Variants in ARHGAP17 observed in about 807,000 individuals in gnomAD.
ARHGAP17 encodes the protein rho GTPase-activating protein 17.
In ARHGAP17, 57 loss-of-function variants were observed where a neutral mutation model predicts 99.5. That is an observed-to-expected ratio of 0.57 (90% CI 0.46 to 0.71). ARHGAP17 has a LOEUF of 0.71. ARHGAP17 is among the 30% of genes least tolerant of loss of function. The pLI, the probability that ARHGAP17 is intolerant of heterozygous loss-of-function variation, is 0.00. For missense variants in ARHGAP17, 1,000 were observed against 1,122.4 expected (o/e 0.89, Z 1.56); for synonymous variants, 417 against 429.6 (o/e 0.97, Z 0.36).
At chr16:24,950,840 A>C (rs867589092) in intron 12 of ARHGAP17, among the ~76,000 whole-genome samples, 26 of 148,462 alleles carry the variant, frequency 1.8e-4, no homozygotes, top group African/African-American at 6.6e-4. Context: ...CCAACTCAAA[A>C]AAAAAAAAAA....
chr16:24,941,767 T>C, intron 16 of ARHGAP17: 1 of 584,436 alleles, frequency 1.7e-6, no homozygotes, highest in East Asian at 3.2e-5. Flanking sequence ...TAAGCTGGAA[T>C]ACACGTGGAA....
chr16:25,014,715 T>G (rs2053736192), intron 1 of ARHGAP17, among the ~76,000 whole-genome samples: 1 of 152,198 alleles, frequency 6.6e-6, no homozygotes, highest in African/African-American at 2.4e-5. Context: ...TCTAGCCATT[T>G]CTTGCCGCCA....
rs563959583 is a variant in ARHGAP17 at position 24,928,141 on chromosome 16, G to A, written c.2515+2643C>T. On this transcript the variant is annotated intron_variant, in intron 19 of 19. Coordinates refer to ENST00000289968, the MANE Select transcript of ARHGAP17 (RefSeq NM_001006634.3). ...GGAAGTTATATATTTTTTCCTCCTT[G>A]AAAAACCCAATGGCTACATCCAAGA... 1.1e-4 allele frequency among the ~76,000 whole-genome samples: 17 copies of A among 152,280 alleles called. 1 individual carries two copies. The highest frequency in any genetic ancestry group is 3.8e-4 in the African/African-American group (16 of 41,566).
At chr16:24,938,764 G>A (rs542780828) in intron 17 of ARHGAP17, among the ~76,000 whole-genome samples, 11 of 141,828 alleles carry the variant, frequency 7.8e-5, no homozygotes, top group African/African-American at 2.6e-4. Context: ...AGAGCAAGAC[G>A]CAGTCTCAGA....
At chr16:24,949,378 A>G in intron 13 of ARHGAP17, 26 bp downstream of exon 13, 1 of 1,588,504 alleles carries the variant, frequency 6.3e-7, no homozygotes, top group Non-Finnish European at 8.6e-7. Flanking sequence ...TTCACTCCAG[A>G]GTCATTGTAG....
In ARHGAP17 at chr16:24,970,005, C is replaced by T. The variant is rs141743544; in HGVS notation, c.272+502G>A. 3.3e-5 allele frequency among the ~76,000 whole-genome samples: 5 copies of T among 151,730 alleles called. No individual in the cohort carries two copies. The East Asian group carries it at 9.7e-4, about 29-fold the overall frequency. ...TATACCTTCCCTCCTACAATAAAAA[C>T]TGCTTTGTTCTTACTTATATAAATT... On this transcript the variant is annotated intron_variant, in intron 4 of 19. Coordinates refer to ENST00000289968, the MANE Select transcript of ARHGAP17 (RefSeq NM_001006634.3).
At chr16:25,002,116 C>T (rs1437775076) in intron 1 of ARHGAP17, among the ~76,000 whole-genome samples, 1 of 151,662 alleles carries the variant, frequency 6.6e-6, no homozygotes, top group East Asian at 1.9e-4. Flanking sequence ...CATATACACA[C>T]ACCCAAAGCC....
chr16:24,920,573 A>C, intron 19 of ARHGAP17: 1 of 281,424 alleles, frequency 3.6e-6, no homozygotes, highest in Non-Finnish European at 7.0e-6. Context: ...TCTTCCCAAG[A>C]CCTCTAATGC....
chr16:24,965,654 G>A (rs1179425543), intron 6 of ARHGAP17, among the ~76,000 whole-genome samples: 2 of 152,198 alleles, frequency 1.3e-5, no homozygotes, highest in Non-Finnish European at 2.9e-5. Context: ...ATTGTGAAAG[G>A]AGCATAGATT....
At chr16:24,940,986 A>T (rs2051297322) in intron 16 of ARHGAP17, among the ~76,000 whole-genome samples, 1 of 152,204 alleles carries the variant, frequency 6.6e-6, no homozygotes, top group South Asian at 2.1e-4. Context: ...AATATATGAA[A>T]GCTAATTTTG....
chr16:24,943,367 C>T (rs2051371101), intron 15 of ARHGAP17, among the ~76,000 whole-genome samples: 1 of 152,190 alleles, frequency 6.6e-6, no homozygotes, highest in Non-Finnish European at 1.5e-5. Context: ...AAAACCAATC[C>T]CTGGTTCCCT....
At position 24,930,783 on chromosome 16, in the gene ARHGAP17, C is replaced by G; in HGVS notation, c.2515+1G>C. On this transcript the variant is annotated splice_donor_variant, in intron 19 of 19. Coordinates refer to ENST00000289968, the MANE Select transcript of ARHGAP17 (RefSeq NM_001006634.3). LOFTEE classifies it high-confidence loss of function. The stretch of plus-strand genomic sequence containing the variant: ...AATACGGGCATTGATGTCCTACTTA[C>G]CTGTTACTATCTTGGAAGCTGTTGG... 1.1e-5 allele frequency: 17 copies of G among 1,614,158 alleles called. No individual in the cohort carries two copies. Among genetic ancestry groups the G allele is most frequent in the Non-Finnish European group, 1.4e-5 (17 of 1,180,032 alleles).
At chr16:24,958,956 G>A (rs943078056) in intron 9 of ARHGAP17, among the ~76,000 whole-genome samples, 2 of 151,940 alleles carry the variant, frequency 1.3e-5, no homozygotes, top group African/African-American at 2.4e-5. Flanking sequence ...ATCTCTGCTG[G>A]TAAATGCTCT....
intron 6 of ARHGAP17, among the ~76,000 whole-genome samples, chr16:24,964,928 C>T (rs963180751): frequency 6.6e-6 from 1 of 151,026 alleles, no homozygotes. Context: ...GACAACACAA[C>T]AAGACTCCAT....
chr16:24,994,434 A>G (rs1297300578), intron 1 of ARHGAP17, among the ~76,000 whole-genome samples: 2 of 152,186 alleles, frequency 1.3e-5, no homozygotes, highest in Non-Finnish European at 2.9e-5. Flanking sequence ...CACTGAACAA[A>G]TATTTTCGGG....
intron 1 of ARHGAP17, among the ~76,000 whole-genome samples, chr16:24,992,680 T>C (rs570246315): frequency 6.6e-6 from 1 of 152,322 alleles, no homozygotes; most frequent in African/African-American, 2.4e-5. Context: ...AATCTGACTA[T>C]AAACTACCAA....
rs1264304918 is a variant in ARHGAP17 at position 24,955,394 on chromosome 16, A to G, written c.725-664T>C. Reference sequence around the variant, plus strand: ...AGCTGAAGGCTATGCTGATGGCAGGAAAGCCATATTTTAGATTATCTTCAG... The same window carrying G: ...AGCTGAAGGCTATGCTGATGGCAGGGAAGCCATATTTTAGATTATCTTCAG... On this transcript the variant is annotated intron_variant, in intron 9 of 19. Transcript: ENST00000289968. The surrounding 1 kb of genome is among the most constrained non-coding windows in gnomAD (Gnocchi z 4.0). 1 of 152,266 alleles carries G rather than the reference A, an allele frequency of 6.6e-6. No homozygotes were observed. Among genetic ancestry groups the G allele is most frequent in the Non-Finnish European group, 1.5e-5 (1 of 68,048 alleles). 9.4% of individuals were successfully genotyped at this position (152,266 alleles called of 1,614,324 possible).
chr16:24,919,875 T>G lies in ARHGAP17; in HGVS notation c.*255A>C. 1 of 367,906 alleles carries G rather than the reference T, an allele frequency of 2.7e-6. No homozygotes were observed. 22.8% of individuals were successfully genotyped at this position (367,906 alleles called of 1,614,324 possible). ...TACTCTCTCCACTCCAGGTACTTCT[T>G]TGTTTTGGATTTTTTTGGCATGATT... On this transcript the variant is annotated 3_prime_UTR_variant, in exon 20 of 20. Transcript: ENST00000289968.
intron 6 of ARHGAP17, among the ~76,000 whole-genome samples, chr16:24,965,508 T>C (rs1428114782): frequency 6.6e-6 from 1 of 152,052 alleles, no homozygotes; most frequent in Non-Finnish European, 1.5e-5. Context: ...AAAAACATGT[T>C]AGCTACTTAC....
Sources: gnomAD v4.1 joint callset for allele counts (sites outside exome capture counted in the v4.1 genomes callset) on GRCh38, gnomAD v4.1.1 for gene constraint, Gnocchi (gnomAD v3.1) non-coding constraint, MANE v1.5 for transcripts, NCBI Gene and HGNC (gene_info 2026-07-23, HGNC 2026-07-21) for gene names.